Variants in DNAH8 observed in about 807,000 individuals in gnomAD.
DNAH8 encodes dynein axonemal heavy chain 8.
DNAH8 carries 382 observed loss-of-function variants against 562.1 expected under a neutral mutation model. The ratio of observed to expected loss-of-function variants is 0.68; its 90% CI spans 0.63 to 0.74. The LOEUF (loss-of-function observed/expected upper bound fraction) is 0.74, where lower values mean the gene tolerates loss of function less well. DNAH8 is among the 30% of genes least tolerant of loss of function. DNAH8 has a pLI of 0.00. For synonymous variants in DNAH8, 1,881 were observed against 1,919.4 expected (o/e 0.98, Z 0.52); for missense variants, 5,203 against 5,620.4 (o/e 0.93, Z 2.37).
intron 91 of DNAH8, among the ~76,000 whole-genome samples, chr6:39,013,752 GA>G (rs1766382071): frequency 1.3e-5 from 2 of 152,270 alleles, no homozygotes; most frequent in South Asian, 4.1e-4. Flanking sequence ...TTGGGAGGCT[GA>G]GGTGGGAGGA....
At chr6:38,896,619 A>AAG (rs796984528) in intron 60 of DNAH8, among the ~76,000 whole-genome samples, 1 of 151,590 alleles carries the variant, frequency 6.6e-6, no homozygotes, top group Non-Finnish European at 1.5e-5. Flanking sequence ...AAAAACAAAA[A>AAG]AGAGAGAGAG....
intron 26 of DNAH8, among the ~76,000 whole-genome samples, chr6:38,822,055 C>T (rs1772908440): frequency 6.6e-6 from 1 of 152,144 alleles, no homozygotes; most frequent in Admixed American, 6.5e-5. Context: ...CACTGGCCGT[C>T]AAACAGCTAA....
chr6:38,873,687 T>C (rs1028614765), intron 52 of DNAH8, among the ~76,000 whole-genome samples: 37 of 149,066 alleles, frequency 2.5e-4, no homozygotes, highest in African/African-American at 8.6e-4. Flanking sequence ...ATATAGTAAT[T>C]AATTAAATTT....
Position 38,826,166 on chromosome 6 carries a change from A to C in DNAH8, c.3858A>C (p.Lys1286Asn), listed in dbSNP as rs1038774938. ...TCTTGTCTTCATCAGAGCCGATGAA[A>C]TTGGCCTTATCCATCGAGGCCAAGG... is the stretch of plus-strand genomic sequence containing the variant. ...GALELHTEPM[K>N]LALSIEAKAW... Residue 1286 changes from lysine (K) to asparagine (N), a missense_variant, in exon 29 of 93, where the codon AAA becomes AAC. By Grantham distance (94) the Lys-to-Asn change is moderately conservative. Transcript: ENST00000327475. 1 of 1,599,188 alleles carries C rather than the reference A, an allele frequency of 6.3e-7. No homozygotes were observed. Among genetic ancestry groups the C allele is most frequent in the South Asian group, 1.1e-5 (1 of 87,654 alleles).
chr6:38,790,747 A>G (rs1630487), intron 20 of DNAH8, among the ~76,000 whole-genome samples: 1 of 151,468 alleles, frequency 6.6e-6, no homozygotes, highest in African/African-American at 2.4e-5. Context: ...CGTTTGAACC[A>G]GGGAAGCGGA....
Position 38,981,691 on chromosome 6 carries a change from G to A in DNAH8, c.12835-655G>A, listed in dbSNP as rs192896551. Among the ~76,000 whole-genome samples, 92 of 152,332 alleles carry A rather than the reference G, an allele frequency of 6.0e-4. 1 individual carries two copies. The highest frequency in any genetic ancestry group is 5.6e-3 in the Admixed American group (85 of 15,308). ...CATTTGACATTTCAAACTTTCAAGA[G>A]TCCATTGTAGAATAACAGTTCATTC... On this transcript the variant is annotated intron_variant, in intron 85 of 92. Transcript: ENST00000327475.
chr6:38,943,932 T>A (rs886080047), intron 79 of DNAH8, among the ~76,000 whole-genome samples: 6 of 152,154 alleles, frequency 3.9e-5, no homozygotes, highest in African/African-American at 1.4e-4. Flanking sequence ...GAGGGATTCA[T>A]GTTTTTTTGT....
chr6:38,842,667 C>T lies in DNAH8; in HGVS notation c.4609C>T (p.Arg1537Cys), dbSNP rs78877915. The T allele has an allele frequency of 1.6e-4, 251 of 1,609,500 alleles. No homozygotes were observed. The East Asian group carries it at 3.1e-3, about 20-fold the overall frequency. ...TTTTCTCTTTCTTTCTGAAAGATGT[C>T]GTAAACTTCCAAAAGGACTTAAAGA... ...AELLEFQNRC[R>C]KLPKGLKDWQ... Residue 1537 changes from arginine to cysteine, a missense_variant, in exon 35 of 93, where the codon CGT (arginine) becomes TGT (cysteine). Physicochemically the swap from Arg to Cys is radical, Grantham distance 180. Around this residue, in one of 6 missense-constraint regions of DNAH8, gnomAD observed 2,176 missense variants for 2,365.1 expected, o/e 0.92. Coordinates refer to ENST00000327475, the MANE Select transcript of DNAH8 (RefSeq NM_001206927.2).
chr6:39,028,670 C>T (rs1364416686), intron 92 of DNAH8, among the ~76,000 whole-genome samples: 1 of 152,236 alleles, frequency 6.6e-6, no homozygotes, highest in Admixed American at 6.5e-5. Context: ...CTATCTACCA[C>T]ACCTTCTCAC....
At chr6:38,872,391 AAAC>A (rs1234643298) in intron 49 of DNAH8, 142 bp from the exon 50 acceptor site, 13 of 863,868 alleles carry the variant, frequency 1.5e-5, no homozygotes, top group South Asian at 1.8e-5. Context: ...ACATCTAGTA[AAAC>A]AACATTTTTT....
At chr6:39,022,774 C>T (rs1400380637) in intron 91 of DNAH8, among the ~76,000 whole-genome samples, 2 of 152,180 alleles carry the variant, frequency 1.3e-5, no homozygotes, top group African/African-American at 4.8e-5. Context: ...AGGGCCACAC[C>T]CCTGCAGTCT....
chr6:38,926,907 C>G (rs1183541711), intron 74 of DNAH8, among the ~76,000 whole-genome samples: 1 of 152,194 alleles, frequency 6.6e-6, no homozygotes, highest in Non-Finnish European at 1.5e-5. Flanking sequence ...GTCCCCAGCT[C>G]AATATAACCT....
intron 8 of DNAH8, among the ~76,000 whole-genome samples, chr6:38,742,462 C>G (rs192490128): frequency 6.6e-6 from 1 of 151,832 alleles, no homozygotes; most frequent in Non-Finnish European, 1.5e-5. Flanking sequence ...CCACCACGCC[C>G]GGCTAATTTT....
chr6:38,967,306 A>T (rs1763036195), intron 82 of DNAH8, among the ~76,000 whole-genome samples: 1 of 152,158 alleles, frequency 6.6e-6, no homozygotes. Flanking sequence ...GGCAAAGAAA[A>T]AAAAAAACCA....
chr6:38,725,399 A>G (rs1763136447), intron 3 of DNAH8, among the ~76,000 whole-genome samples: 1 of 151,882 alleles, frequency 6.6e-6, no homozygotes, highest in East Asian at 1.9e-4. Context: ...TCTGCGCTTC[A>G]TGTCGTCCAG....
At chr6:38,823,293 G>A (rs896766077) in intron 27 of DNAH8, among the ~76,000 whole-genome samples, 2 of 152,148 alleles carry the variant, frequency 1.3e-5, no homozygotes, top group African/African-American at 2.4e-5. Flanking sequence ...CCACGGACTA[G>A]AGGCTAGGTA....
chr6:38,809,567 C>T lies in DNAH8; in HGVS notation c.3257+1851C>T, dbSNP rs114539273. ...TATAGATCAATTTGAAGAGAATTAG[C>T]ATCCTTACAAATATTGAGTCTTCTA... is the stretch of plus-strand genomic sequence containing the variant. On this transcript the variant is annotated intron_variant, in intron 24 of 92. Transcript: ENST00000327475. Among the ~76,000 whole-genome samples the T allele has an allele frequency of 5.2e-3, 797 of 152,244 alleles. 4 individuals carry two copies. The highest frequency in any genetic ancestry group is 7.9e-3 in the Admixed American group (121 of 15,296).
chr6:38,909,865 ATCTT>A, intron 65 of DNAH8, 121 bp downstream of exon 65: 3 of 858,608 alleles, frequency 3.5e-6, no homozygotes, highest in Non-Finnish European at 3.6e-6. Context: ...GTATTTTTAG[ATCTT>A]TCTTGCTTTG....
At chr6:38,748,431 A>T (rs1002403104) in intron 8 of DNAH8, among the ~76,000 whole-genome samples, 1 of 152,106 alleles carries the variant, frequency 6.6e-6, no homozygotes, top group Non-Finnish European at 1.5e-5. Context: ...TCTTTGTTGG[A>T]TGGGTTTGTT....
Sources: allele counts gnomAD v4.1 joint callset (sites outside exome capture counted in the v4.1 genomes callset), GRCh38; gene constraint gnomAD v4.1.1; regional missense constraint gnomAD v4.1.1; transcripts MANE v1.5; gene names NCBI Gene and HGNC (gene_info 2026-07-23, HGNC 2026-07-21).